Variants in CEP128 observed in about 807,000 individuals in gnomAD.
The protein encoded by CEP128 is centrosomal protein 128kDa.
A neutral mutation model predicts 156.7 loss-of-function variants in CEP128; 132 were observed. The ratio of observed to expected loss-of-function variants is 0.84; its 90% CI spans 0.73 to 0.97. The LOEUF (loss-of-function observed/expected upper bound fraction) is 0.97. CEP128 is among the 50% of genes least tolerant of loss of function. The probability of loss-of-function intolerance (pLI) is 0.00; values close to 1 mark genes in which losing one functional copy is unlikely to be tolerated. For synonymous variants in CEP128, 469 were observed against 448.9 expected (o/e 1.04, Z -0.57); for missense variants, 1,252 against 1,281.9 (o/e 0.98, Z 0.36).
intron 9 of CEP128, among the ~76,000 whole-genome samples, chr14:80,851,575 CAG>C (rs986737067): frequency 2.0e-5 from 3 of 150,756 alleles, no homozygotes; most frequent in African/African-American, 7.3e-5. Flanking sequence ...CCAAAGCAAA[CAG>C]AAAGTATAAA....
chr14:80,881,585 T>G (rs751321747), intron 8 of CEP128, among the ~76,000 whole-genome samples: 2 of 152,136 alleles, frequency 1.3e-5, no homozygotes, highest in Non-Finnish European at 2.9e-5. Context: ...AAGAGCAGTA[T>G]TATCTTAATA....
At chr14:80,527,296 G>T in intron 22 of CEP128, 1 of 450,098 alleles carries the variant, frequency 2.2e-6, no homozygotes, top group South Asian at 1.6e-5. Context: ...CAGATATGGT[G>T]GTGCATGGCT....
At chr14:80,904,683 G>A in intron 6 of CEP128, 130 bp downstream of exon 6, 1 of 595,472 alleles carries the variant, frequency 1.7e-6, no homozygotes. Context: ...CAAAAAAAGG[G>A]ATCAGTATAA....
At chr14:80,647,100 TAC>T (rs1323202529) in intron 19 of CEP128, among the ~76,000 whole-genome samples, 1 of 104,510 alleles carries the variant, frequency 9.6e-6, no homozygotes, top group Non-Finnish European at 1.9e-5. Flanking sequence ...CCCTTATAAA[TAC>T]ACATACACAC....
intron 19 of CEP128, among the ~76,000 whole-genome samples, chr14:80,619,442 G>A (rs1566815123): frequency 6.6e-6 from 1 of 150,516 alleles, no homozygotes; most frequent in South Asian, 2.1e-4. Context: ...GCTGATGTCT[G>A]TAATCCCAGC....
At chr14:80,655,895 GTTTT>G (rs1895111716) in intron 19 of CEP128, among the ~76,000 whole-genome samples, 1 of 151,938 alleles carries the variant, frequency 6.6e-6, no homozygotes, top group African/African-American at 2.4e-5. Flanking sequence ...TTTTTTGTTT[GTTTT>G]GTTTTGTTTT....
intron 19 of CEP128, among the ~76,000 whole-genome samples, chr14:80,687,686 T>C (rs1268983661): frequency 6.6e-6 from 1 of 152,112 alleles, no homozygotes; most frequent in Non-Finnish European, 1.5e-5. Context: ...CATCATGCAA[T>C]ATAGCCATGC....
intron 2 of CEP128, among the ~76,000 whole-genome samples, chr14:80,918,115 C>T (rs1459889532): frequency 1.3e-5 from 2 of 152,192 alleles, no homozygotes; most frequent in Admixed American, 1.3e-4. Flanking sequence ...CTCCCTCCCA[C>T]CATAAGGAAA....
chr14:80,819,479 A>G (rs1331281885), intron 13 of CEP128, among the ~76,000 whole-genome samples: 1 of 151,796 alleles, frequency 6.6e-6, no homozygotes, highest in East Asian at 1.9e-4. Context: ...ATCTCCTGAC[A>G]TTGTGATCCG....
At chr14:80,843,658 A>G (rs1886454171) in intron 9 of CEP128, among the ~76,000 whole-genome samples, 1 of 152,060 alleles carries the variant, frequency 6.6e-6, no homozygotes, top group Non-Finnish European at 1.5e-5. Context: ...AGCTTAACAG[A>G]ATATGATGTG....
At chr14:80,709,263 C>T (rs2596108) in intron 19 of CEP128, among the ~76,000 whole-genome samples, 51,933 of 151,348 alleles carry the variant, frequency 0.34, 9,183 homozygotes, top group South Asian at 0.5. Flanking sequence ...CTCAGCCTCC[C>T]GAGTAGCTGG....
intron 23 of CEP128, among the ~76,000 whole-genome samples, chr14:80,509,349 G>A (rs536987256): frequency 6.6e-6 from 1 of 152,308 alleles, no homozygotes; most frequent in African/African-American, 2.4e-5. Context: ...CTTTAACTGA[G>A]GTGAGATGAT....
intron 19 of CEP128, among the ~76,000 whole-genome samples, chr14:80,676,286 C>T (rs965440196): frequency 5.3e-5 from 8 of 151,944 alleles, no homozygotes; most frequent in Admixed American, 5.2e-4. Flanking sequence ...TTGGTAAATA[C>T]CTTCCATGGT....
intron 9 of CEP128, among the ~76,000 whole-genome samples, chr14:80,845,780 G>T (rs1402181226): frequency 6.6e-6 from 1 of 152,046 alleles, no homozygotes; most frequent in Non-Finnish European, 1.5e-5. Context: ...TAGCAAAACG[G>T]TTTTTGTTTG....
At chr14:80,484,135 C>A (rs1399589651) in intron 14 of CEP128, among the ~76,000 whole-genome samples, 1 of 152,114 alleles carries the variant, frequency 6.6e-6, no homozygotes, top group Admixed American at 6.6e-5. Flanking sequence ...CACCACCATG[C>A]CCAACTAATT....
chr14:80,685,862 A>G (rs1320149357), intron 19 of CEP128, among the ~76,000 whole-genome samples: 2 of 152,128 alleles, frequency 1.3e-5, no homozygotes, highest in Non-Finnish European at 2.9e-5. Context: ...AATAGGGAAG[A>G]ACCCCTATTC....
chr14:80,646,962 T>A, intron 19 of CEP128, among the ~76,000 whole-genome samples: 1 of 142,504 alleles, frequency 7.0e-6, no homozygotes, highest in South Asian at 2.2e-4. Flanking sequence ...AGAAGTAGAA[T>A]GCTAGGCCAA....
At chr14:80,808,132 G>GATCC (rs1249437976) in intron 13 of CEP128, among the ~76,000 whole-genome samples, 1 of 152,230 alleles carries the variant, frequency 6.6e-6, no homozygotes, top group African/African-American at 2.4e-5. Flanking sequence ...CAGAGAGTGA[G>GATCC]ATCCCCTCCC....
At chr14:80,823,231 A>G (rs1270170537) in intron 13 of CEP128, among the ~76,000 whole-genome samples, 2 of 152,208 alleles carry the variant, frequency 1.3e-5, no homozygotes, top group Admixed American at 1.3e-4. Context: ...GTGTCAGGCA[A>G]TCTGGACTTT....
Sources: allele counts gnomAD v4.1 joint callset (sites outside exome capture counted in the v4.1 genomes callset), GRCh38; gene constraint gnomAD v4.1.1; transcripts MANE v1.5; gene names NCBI Gene and HGNC (gene_info 2026-07-23, HGNC 2026-07-21).